The following CAPS2 variants were observed in gnomAD, a reference collection of about 807,000 sequenced individuals.
CAPS2 encodes calcyphosin-2.
CAPS2 carries 98 observed loss-of-function variants against 86.5 expected under a neutral mutation model. The observed-to-expected ratio is 1.13, with a 90% CI of 0.96 to 1.34. The LOEUF is 1.34. CAPS2 is among the 40% of genes most tolerant of loss of function. CAPS2 has a pLI of 0.00. For missense variants in CAPS2, 729 were observed against 686.8 expected (o/e 1.06, Z -0.69); for synonymous variants, 210 against 225.1 (o/e 0.93, Z 0.60).
intron 7 of CAPS2, chr12:75,306,491 T>C (rs2038518875): frequency 5.2e-6 from 1 of 190,542 alleles, no homozygotes; most frequent in African/African-American, 2.3e-5. Flanking sequence ...AGTGCTTTTA[T>C]AACTTTTAAT....
chr12:75,375,642 G>A (rs1327916998), intron 1 of CAPS2, among the ~76,000 whole-genome samples: 1 of 152,126 alleles, frequency 6.6e-6, no homozygotes, highest in Non-Finnish European at 1.5e-5. Flanking sequence ...TTGTCCACTC[G>A]ACCTGAAAGT....
At chr12:75,341,345 T>C (rs910876685) in intron 1 of CAPS2, among the ~76,000 whole-genome samples, 2 of 152,204 alleles carry the variant, frequency 1.3e-5, no homozygotes, top group South Asian at 2.1e-4. Context: ...TCAACACATG[T>C]AACATCCCCA....
chr12:75,363,163 G>GAAGAGA (rs2043727976), intron 1 of CAPS2: 2 of 1,543,964 alleles, frequency 1.3e-6, no homozygotes, highest in Admixed American at 2.1e-5. Flanking sequence ...CTGCTCAAAA[G>GAAGAGA]AAGAGAAATG....
intron 1 of CAPS2, chr12:75,359,799 T>C (rs1320474392): frequency 6.6e-6 from 1 of 152,152 alleles, no homozygotes; most frequent in Non-Finnish European, 1.5e-5. Flanking sequence ...CCTGGATCTA[T>C]ACAACTACAA....
rs867759200 is a variant in CAPS2 at position 75,390,842 on chromosome 12, C to A, written c.-399G>T. 6.2e-6 allele frequency: 4 copies of A among 644,874 alleles called. No homozygotes were observed. The African/African-American group carries it at 7.2e-5, about 12-fold the overall frequency. 39.9% of individuals were successfully genotyped at this position (644,874 alleles called of 1,614,324 possible). On this transcript the variant is annotated 5_prime_UTR_variant, in exon 1 of 6. Coordinates refer to the CAPS2 transcript ENST00000551829. The stretch of plus-strand genomic sequence containing the variant: ...TAGTGAAAAGGGCTTACTCACGTAA[C>A]ACAAGTCTTTCTTTAGTTTGTCAGA...
chr12:75,278,124 A>C, exon 17 of CAPS2: 1 of 920,812 alleles, frequency 1.1e-6, no homozygotes, highest in Non-Finnish European at 1.3e-6. Context: ...TTTCCCTTTC[A>C]TATTGCTCAA....
At chr12:75,367,984 A>G (rs2044099989) in intron 1 of CAPS2, among the ~76,000 whole-genome samples, 1 of 152,078 alleles carries the variant, frequency 6.6e-6, no homozygotes, top group African/African-American at 2.4e-5. Flanking sequence ...TATTTTGCTG[A>G]GTTTTTAATT....
At chr12:75,376,715 C>A (rs1046928554) in intron 1 of CAPS2, among the ~76,000 whole-genome samples, 3 of 152,162 alleles carry the variant, frequency 2.0e-5, no homozygotes, top group African/African-American at 7.2e-5. Context: ...TTGTAGGGTC[C>A]CATTCTTTTC....
intron 1 of CAPS2, among the ~76,000 whole-genome samples, chr12:75,344,238 G>T (rs1366435069): frequency 6.6e-6 from 1 of 152,078 alleles, no homozygotes; most frequent in Non-Finnish European, 1.5e-5. Flanking sequence ...TTCCCTGGAA[G>T]TGGGAAGTTC....
At chr12:75,291,691 A>G in intron 13 of CAPS2, 53 bp downstream of exon 13, 1 of 877,164 alleles carries the variant, frequency 1.1e-6, no homozygotes, top group Non-Finnish European at 1.7e-6. Context: ...TTTACTGATT[A>G]TAAAAAAGGA....
chr12:75,289,621 C>G, exon 14 of CAPS2: 2 of 1,607,768 alleles, frequency 1.2e-6, no homozygotes, highest in Non-Finnish European at 1.7e-6. Context: ...TAGCACATAC[C>G]TTTTCAGACA....
intron 5 of CAPS2, among the ~76,000 whole-genome samples, chr12:75,319,766 A>T (rs1331477054): frequency 6.6e-6 from 1 of 152,166 alleles, no homozygotes; most frequent in African/African-American, 2.4e-5. Context: ...ACCAGTAAAG[A>T]GAATCAATTT....
chr12:75,354,825 G>T (rs1022218967), intron 1 of CAPS2, among the ~76,000 whole-genome samples: 1 of 151,894 alleles, frequency 6.6e-6, no homozygotes, highest in Admixed American at 6.6e-5. Flanking sequence ...AAATAAGACC[G>T]CACATCTATA....
chr12:75,390,775 G>C, intron 1 of CAPS2: 1 of 520,790 alleles, frequency 1.9e-6, no homozygotes, highest in South Asian at 1.5e-5. Flanking sequence ...ATATCATTCA[G>C]TGTCAGAAAT....
At chr12:75,302,921 G>A (rs2037990825) in intron 8 of CAPS2, among the ~76,000 whole-genome samples, 1 of 152,194 alleles carries the variant, frequency 6.6e-6, no homozygotes, top group Non-Finnish European at 1.5e-5. Context: ...ACTGCTACTG[G>A]TGGGAGTGTA....
intron 1 of CAPS2, among the ~76,000 whole-genome samples, chr12:75,375,022 G>A (rs1304243154): frequency 6.6e-6 from 1 of 152,130 alleles, no homozygotes; most frequent in Non-Finnish European, 1.5e-5. Flanking sequence ...CTTCATGGTG[G>A]CACTAATCTC....
chr12:75,336,479 T>C (rs531786791), intron 1 of CAPS2, among the ~76,000 whole-genome samples: 90 of 151,916 alleles, frequency 5.9e-4, no homozygotes, highest in African/African-American at 2.1e-3. Flanking sequence ...AAATACATTA[T>C]GCAAACTCTA....
intron 1 of CAPS2, among the ~76,000 whole-genome samples, chr12:75,376,718 T>C (rs2044669155): frequency 6.6e-6 from 1 of 152,198 alleles, no homozygotes; most frequent in African/African-American, 2.4e-5. Flanking sequence ...TAGGGTCCCA[T>C]TCTTTTCCAA....
intron 1 of CAPS2, among the ~76,000 whole-genome samples, chr12:75,349,397 G>A (rs991924884): frequency 1.3e-4 from 20 of 152,052 alleles, no homozygotes; most frequent in African/African-American, 4.8e-4. Context: ...ACTCAAGGAG[G>A]TTTACAGAAA....
Sources: allele counts gnomAD v4.1 joint callset (sites outside exome capture counted in the v4.1 genomes callset), GRCh38; gene constraint gnomAD v4.1.1; transcripts MANE v1.5; gene names NCBI Gene and HGNC (gene_info 2026-07-23, HGNC 2026-07-21).